The following FANCC variants were observed in gnomAD, a reference collection of about 807,000 sequenced individuals.
FANCC encodes Fanconi anemia group C protein.
A neutral mutation model predicts 71.3 loss-of-function variants in FANCC; 55 were observed. That is an observed-to-expected ratio of 0.77 (90% CI 0.62 to 0.97). The LOEUF (loss-of-function observed/expected upper bound fraction) is 0.97. Ranked by LOEUF, FANCC falls within the 50% of genes least tolerant of loss-of-function variation. The pLI, the probability that FANCC is intolerant of heterozygous loss-of-function variation, is 0.00. For missense variants in FANCC, 678 were observed against 670.9 expected, an observed-to-expected ratio of 1.01 and a Z score of -0.12; for synonymous variants, 275 against 244.9, an observed-to-expected ratio of 1.12 and a Z score of -1.15.
At chr9:95,251,656 A>T (rs1360165555) in intron 1 of FANCC, among the ~76,000 whole-genome samples, 1 of 152,178 alleles carries the variant, frequency 6.6e-6, no homozygotes, top group African/African-American at 2.4e-5. Context: ...ACCAAAAAAA[A>T]TTTTAAGGTA....
chr9:95,149,581 C>T (rs1483165598), intron 7 of FANCC, among the ~76,000 whole-genome samples: 2 of 151,854 alleles, frequency 1.3e-5, no homozygotes, highest in Middle Eastern at 3.4e-3. Context: ...CAGGTGGAAG[C>T]GATCCTCCTG....
At chr9:95,202,746 T>C (rs1827878918) in intron 4 of FANCC, among the ~76,000 whole-genome samples, 1 of 152,194 alleles carries the variant, frequency 6.6e-6, no homozygotes, top group Non-Finnish European at 1.5e-5. Context: ...ATTTTGCCAG[T>C]TACATTCTTT....
intron 1 of FANCC, among the ~76,000 whole-genome samples, chr9:95,264,847 A>G (rs999164494): frequency 2.0e-5 from 3 of 152,210 alleles, no homozygotes; most frequent in African/African-American, 4.8e-5. Flanking sequence ...TTTATGTTCA[A>G]TTCCACTTAA....
At chr9:95,310,761 A>G (rs1835347759) in intron 1 of FANCC, among the ~76,000 whole-genome samples, 1 of 152,338 alleles carries the variant, frequency 6.6e-6, no homozygotes, top group East Asian at 1.9e-4. Flanking sequence ...GTCTGTTATG[A>G]CAGAGAAGGG....
chr9:95,294,167 A>G lies in FANCC; in HGVS notation c.-79+23359T>C. 3.1e-6 allele frequency: 5 copies of G among 1,604,830 alleles called. No homozygotes were observed. The South Asian group carries it at 5.5e-5, about 18-fold the overall frequency. On this transcript the variant is annotated intron_variant, in intron 1 of 14. Transcript: ENST00000289081. ...CTGCCTGCTCAGACATTGGATCATC[A>G]TAGTCTTTTGTCTAACACAAATCCT...
chr9:95,242,013 C>A (rs1830661887), intron 3 of FANCC, among the ~76,000 whole-genome samples: 1 of 152,196 alleles, frequency 6.6e-6, no homozygotes, highest in South Asian at 2.1e-4. Context: ...ACAATACCAA[C>A]TCTAGTAAGC....
intron 4 of FANCC, among the ~76,000 whole-genome samples, chr9:95,235,918 T>C: frequency 6.7e-6 from 1 of 150,360 alleles, no homozygotes; most frequent in Non-Finnish European, 1.5e-5. Flanking sequence ...GCAGTCAATG[T>C]TCTGTTCTAT....
intron 2 of FANCC, among the ~76,000 whole-genome samples, chr9:95,247,763 T>C (rs1052975124): frequency 3.3e-5 from 5 of 152,180 alleles, no homozygotes; most frequent in Non-Finnish European, 7.4e-5. Flanking sequence ...GTAAAATCAA[T>C]TGTGTTGCAA....
At chr9:95,246,777 A>C (rs1371822553) in intron 3 of FANCC, among the ~76,000 whole-genome samples, 1 of 152,252 alleles carries the variant, frequency 6.6e-6, no homozygotes, top group Admixed American at 6.5e-5. Flanking sequence ...AAGTGCCTTC[A>C]GGCACTGTTA....
At chr9:95,139,977 G>A (rs1341818972) in intron 7 of FANCC, among the ~76,000 whole-genome samples, 1 of 151,456 alleles carries the variant, frequency 6.6e-6, no homozygotes, top group Non-Finnish European at 1.5e-5. Context: ...AAACGCTAAG[G>A]TTGTCCTTTT....
chr9:95,167,809 C>T (rs1319962668), intron 6 of FANCC, among the ~76,000 whole-genome samples: 1 of 152,158 alleles, frequency 6.6e-6, no homozygotes, highest in African/African-American at 2.4e-5. Flanking sequence ...ATGCATAGAT[C>T]TCTGCTTCTT....
intron 1 of FANCC, among the ~76,000 whole-genome samples, chr9:95,301,512 GCCTCAACCTC>G: frequency 6.6e-6 from 1 of 151,906 alleles, no homozygotes; most frequent in East Asian, 1.9e-4. Flanking sequence ...GCTCACTGCA[GCCTCAACCTC>G]CTCCAAGCGA....
At chr9:95,185,880 C>T (rs1294095140) in intron 4 of FANCC, among the ~76,000 whole-genome samples, 1 of 152,200 alleles carries the variant, frequency 6.6e-6, no homozygotes, top group Non-Finnish European at 1.5e-5. Context: ...TTGCCTCTTT[C>T]ATAAACCACA....
At chr9:95,271,927 C>CTTCTTTTTTTTTTTTTTTTT (rs1832750730) in intron 1 of FANCC, among the ~76,000 whole-genome samples, 2 of 50,480 alleles carry the variant, frequency 4.0e-5, no homozygotes, top group East Asian at 6.6e-4. Context: ...CAAGCCTCTT[C>CTTCTTTTTTTTTTTTTTTTT]TTTTTTTTTT....
chr9:95,108,076 G>T (rs1406545982), intron 13 of FANCC, among the ~76,000 whole-genome samples: 2 of 152,198 alleles, frequency 1.3e-5, no homozygotes, highest in Non-Finnish European at 2.9e-5. Context: ...CATCACTTCT[G>T]AAAGAATACT....
At chr9:95,119,508 G>A (rs1298677452) in intron 10 of FANCC, among the ~76,000 whole-genome samples, 3 of 151,888 alleles carry the variant, frequency 2.0e-5, no homozygotes, top group Non-Finnish European at 4.4e-5. Context: ...TGGGACTAAA[G>A]GCACATGCCA....
At chr9:95,260,686 T>TAA (rs75106263) in intron 1 of FANCC, among the ~76,000 whole-genome samples, 11 of 129,566 alleles carry the variant, frequency 8.5e-5, no homozygotes, top group Middle Eastern at 4.1e-3. Context: ...ACTTAAAATA[T>TAA]AAAAAAAAAA....
chr9:95,209,714 A>T (rs1260811737), intron 4 of FANCC, among the ~76,000 whole-genome samples: 1 of 152,180 alleles, frequency 6.6e-6, no homozygotes, highest in Non-Finnish European at 1.5e-5. Flanking sequence ...TACACCATCA[A>T]TATCTATTGA....
intron 4 of FANCC, among the ~76,000 whole-genome samples, chr9:95,211,779 T>C (rs1375142728): frequency 6.7e-6 from 1 of 150,104 alleles, no homozygotes; most frequent in Non-Finnish European, 1.5e-5. Flanking sequence ...GCAGAGATGA[T>C]GGAAGTAGTA....
Sources: allele counts gnomAD v4.1 joint callset (sites outside exome capture counted in the v4.1 genomes callset), GRCh38; gene constraint gnomAD v4.1.1; transcripts MANE v1.5; gene names NCBI Gene and HGNC (gene_info 2026-07-23, HGNC 2026-07-21).